POC1A: variants seen among roughly 807,000 people sequenced by gnomAD.
The protein encoded by POC1A is POC1 centriolar protein A, also known as POC1 centriolar protein homolog A.
A neutral mutation model predicts 47.8 loss-of-function variants in POC1A; 34 were observed. The observed-to-expected ratio is 0.71, with a 90% confidence interval of 0.54 to 0.95. The LOEUF (loss-of-function observed/expected upper bound fraction) is 0.95, where lower values mean the gene tolerates loss of function less well. POC1A is among the 40% of genes least tolerant of loss of function. The probability of loss-of-function intolerance (pLI) is 0.00; values close to 1 mark genes in which losing one functional copy is unlikely to be tolerated. For missense variants in POC1A, 466 were observed against 528.3 expected, an observed-to-expected ratio of 0.88 and a Z score of 1.16; for synonymous variants, 177 against 207.6, an observed-to-expected ratio of 0.85 and a Z score of 1.27.
At chr3:52,148,710 T>C (rs1203726808) in intron 4 of POC1A, among the ~76,000 whole-genome samples, 1 of 152,198 alleles carries the variant, frequency 6.6e-6, no homozygotes, top group Non-Finnish European at 1.5e-5. Flanking sequence ...CAGAGGAAAG[T>C]AGGCAAGCCT....
rs150273709 is a variant in POC1A at position 52,135,432 on chromosome 3, G to T, written c.813+2737C>A. Reference sequence around the variant, plus strand: ...AGTGTCTTGCTTTGTCACCCAGGCTGGAGTACAGTGGCACAATCACAGATC... The same window carrying T: ...AGTGTCTTGCTTTGTCACCCAGGCTTGAGTACAGTGGCACAATCACAGATC... On this transcript the variant is annotated intron_variant, in intron 7 of 10. Transcript: ENST00000296484. Among the ~76,000 whole-genome samples the T allele has an allele frequency of 1.4e-3, 216 of 152,300 alleles. 1 individual carries two copies. Among genetic ancestry groups the T allele is most frequent in the Middle Eastern group, 0.01 (3 of 294 alleles).
At chr3:52,152,818 T>G (rs1031783655) in intron 1 of POC1A, among the ~76,000 whole-genome samples, 8 of 152,174 alleles carry the variant, frequency 5.3e-5, no homozygotes, top group Admixed American at 1.3e-4. Flanking sequence ...AACAGAATAT[T>G]ATTCAGCCAT....
intron 10 of POC1A, among the ~76,000 whole-genome samples, chr3:52,096,065 G>A (rs1421188796): frequency 1.3e-5 from 2 of 152,264 alleles, no homozygotes; most frequent in Non-Finnish European, 2.9e-5. Context: ...CACCATGAAT[G>A]TGGCAGGCAG....
Position 52,092,771 on chromosome 3 carries a change from A to T in POC1A, c.1125+3798T>A, listed in dbSNP as rs150118791. Among the ~76,000 whole-genome samples the T allele has an allele frequency of 6.9e-3, 1,045 of 152,308 alleles. 14 individuals carry two copies. Among genetic ancestry groups the T allele is most frequent in the African/African-American group, 0.024 (995 of 41,544 alleles). On this transcript the variant is annotated intron_variant, in intron 10 of 10. Coordinates refer to ENST00000296484, the MANE Select transcript of POC1A (RefSeq NM_015426.5). ...TTGAAAAATAATGTATGGATTTTATAAAAAAGGCTTTCATAAAAAAGTAAA... is the reference window on the plus strand; with the variant it reads ...TTGAAAAATAATGTATGGATTTTATTAAAAAGGCTTTCATAAAAAAGTAAA...
chr3:52,117,184 T>C (rs372408002), intron 9 of POC1A, among the ~76,000 whole-genome samples: 7 of 145,472 alleles, frequency 4.8e-5, no homozygotes, highest in African/African-American at 1.6e-4. Flanking sequence ...CAAGACTCTG[T>C]CTCAAAAAAA....
At chr3:52,139,966 C>T (rs1698132865) in intron 6 of POC1A, among the ~76,000 whole-genome samples, 1 of 152,278 alleles carries the variant, frequency 6.6e-6, no homozygotes, top group South Asian at 2.1e-4. Context: ...ACCAGAGGCC[C>T]AATGAGGAAA....
At position 52,124,303 on chromosome 3, in the gene POC1A, C is replaced by T. The variant is rs149185295; in HGVS notation, c.882+810G>A. On this transcript the variant is annotated intron_variant, in intron 8 of 10. Transcript: ENST00000296484. ...CTGCTGATGGTTAGACTCTTCAGTG[C>T]TCCTGGCCTCCCCAGTGCCAGGGTC... is the stretch of plus-strand genomic sequence containing the variant. Among the ~76,000 whole-genome samples the T allele has an allele frequency of 1.4e-3, 218 of 152,360 alleles. 1 individual carries two copies. Among genetic ancestry groups the T allele is most frequent in the Middle Eastern group, 0.01 (3 of 294 alleles).
At chr3:52,109,979 T>C (rs1703324418) in intron 9 of POC1A, among the ~76,000 whole-genome samples, 1 of 152,174 alleles carries the variant, frequency 6.6e-6, no homozygotes, top group African/African-American at 2.4e-5. Context: ...GCCCTGCCAC[T>C]GCCCACACCA....
intron 9 of POC1A, among the ~76,000 whole-genome samples, chr3:52,108,756 G>A (rs1342364261): frequency 6.6e-6 from 1 of 152,204 alleles, no homozygotes; most frequent in East Asian, 1.9e-4. Flanking sequence ...TCCCAGGGAG[G>A]AGTTGCAGAA....
intron 9 of POC1A, among the ~76,000 whole-genome samples, chr3:52,122,053 T>A (rs1019534469): frequency 1.1e-4 from 17 of 152,192 alleles, no homozygotes; most frequent in African/African-American, 4.1e-4. Context: ...TGACCCAGGG[T>A]TCAGTATGGG....
intron 7 of POC1A, among the ~76,000 whole-genome samples, chr3:52,128,579 C>G (rs1704098567): frequency 1.3e-5 from 2 of 152,164 alleles, no homozygotes; most frequent in Admixed American, 1.3e-4. Context: ...CAGAGAACAC[C>G]TGGGCTCTGC....
chr3:52,092,448 T>C (rs1702674416), intron 10 of POC1A, among the ~76,000 whole-genome samples: 1 of 152,220 alleles, frequency 6.6e-6, no homozygotes, highest in South Asian at 2.1e-4. Flanking sequence ...AGCCCCAGGC[T>C]GGCTGGACCC....
chr3:52,132,466 A>G (rs925929160), intron 7 of POC1A, among the ~76,000 whole-genome samples: 6 of 152,078 alleles, frequency 3.9e-5, no homozygotes, highest in Admixed American at 3.9e-4. Flanking sequence ...GCCTCAATCA[A>G]AGATGTTTGC....
At chr3:52,080,626 A>G (rs150659495) in intron 10 of POC1A, among the ~76,000 whole-genome samples, 2,239 of 152,334 alleles carry the variant, frequency 0.015, 27 homozygotes, top group Non-Finnish European at 0.022. Flanking sequence ...TGAAAACTCA[A>G]TATTATAGGA....
chr3:52,108,950 G>C (rs1270043275), intron 9 of POC1A, among the ~76,000 whole-genome samples: 1 of 152,186 alleles, frequency 6.6e-6, no homozygotes, highest in Non-Finnish European at 1.5e-5. Context: ...ACCTGTGCCT[G>C]ACCCACCTCC....
At position 52,083,761 on chromosome 3, in the gene POC1A, G is replaced by C. The variant is rs574026890; in HGVS notation, c.1126-7776C>G. On this transcript the variant is annotated intron_variant, in intron 10 of 10. Transcript: ENST00000296484. Reference sequence around the variant, plus strand: ...CCCTGCCACGGCTCACCTGCTATGGGGCTGATGCCAGGGCTGCCCGGCCTG... The same window carrying C: ...CCCTGCCACGGCTCACCTGCTATGGCGCTGATGCCAGGGCTGCCCGGCCTG... Among the ~76,000 whole-genome samples, 3 of 152,288 alleles carry C rather than the reference G, an allele frequency of 2.0e-5. No homozygotes were observed. The South Asian group carries it at 6.2e-4, about 32-fold the overall frequency.
At chr3:52,145,142 G>A (rs765200570) in intron 6 of POC1A, among the ~76,000 whole-genome samples, 7 of 152,110 alleles carry the variant, frequency 4.6e-5, no homozygotes, top group South Asian at 2.1e-4. Context: ...GAACTGGGGC[G>A]CCTCATGGCC....
At chr3:52,089,555 C>T (rs1654043868) in intron 10 of POC1A, among the ~76,000 whole-genome samples, 2 of 152,114 alleles carry the variant, frequency 1.3e-5, no homozygotes, top group Admixed American at 1.3e-4. Context: ...GGTGAGCTGG[C>T]TAGATGTGCT....
In POC1A at chr3:52,079,188, A is replaced by T. The variant is rs556716281; in HGVS notation, c.1126-3203T>A. Among the ~76,000 whole-genome samples, 1 of 152,394 alleles carries T rather than the reference A, an allele frequency of 6.6e-6. No homozygotes were observed. The highest frequency in any genetic ancestry group is 2.1e-4 in the South Asian group (1 of 4,832). On this transcript the variant is annotated intron_variant, in intron 10 of 10. Coordinates refer to ENST00000296484, the MANE Select transcript of POC1A (RefSeq NM_015426.5). This position sits in a 1 kb window ranked among gnomAD's most constrained non-coding sequence, Gnocchi z 4.6. ...ACCTGTCGGTTCACAACAAAAAGTA[A>T]GCACATCCCCACATACCCATACGAG... is the stretch of plus-strand genomic sequence containing the variant.
Sources: gnomAD v4.1 joint callset for allele counts (sites outside exome capture counted in the v4.1 genomes callset) on GRCh38, gnomAD v4.1.1 for gene constraint, Gnocchi (gnomAD v3.1) non-coding constraint, MANE v1.5 for transcripts, NCBI Gene and HGNC (gene_info 2026-07-23, HGNC 2026-07-21) for gene names.